MAML3: variants seen among roughly 807,000 people sequenced by gnomAD.
MAML3 encodes mastermind like transcriptional coactivator 3.
A neutral mutation model predicts 101.9 loss-of-function variants in MAML3; 27 were observed. The ratio of observed to expected loss-of-function variants is 0.27; its 90% CI spans 0.20 to 0.37. The LOEUF is 0.37. Ranked by LOEUF, MAML3 falls within the 10% of genes least tolerant of loss-of-function variation. MAML3 has a pLI of 1.00. For missense variants in MAML3, 1,316 were observed against 1,444.9 expected (o/e 0.91, Z 1.45); for synonymous variants, 501 against 555.9 (o/e 0.90, Z 1.39).
At chr4:140,119,055 T>C (rs1046087387) in intron 1 of MAML3, among the ~76,000 whole-genome samples, 1 of 152,160 alleles carries the variant, frequency 6.6e-6, no homozygotes, top group Non-Finnish European at 1.5e-5. Context: ...AATACATACA[T>C]TAACAGGCAA....
intron 1 of MAML3, among the ~76,000 whole-genome samples, chr4:140,111,279 C>T (rs1367647137): frequency 6.6e-6 from 1 of 152,176 alleles, no homozygotes; most frequent in Non-Finnish European, 1.5e-5. Context: ...CCTTGGGCCA[C>T]CTCCTTGTTC....
chr4:139,832,345 C>T (rs1349936899), intron 2 of MAML3, among the ~76,000 whole-genome samples: 1 of 150,022 alleles, frequency 6.7e-6, no homozygotes, highest in Non-Finnish European at 1.5e-5. Flanking sequence ...GTCCTGACCT[C>T]AGGTGATCCA....
intron 2 of MAML3, among the ~76,000 whole-genome samples, chr4:139,803,010 C>T (rs1332704511): frequency 2.6e-5 from 4 of 152,308 alleles, no homozygotes; most frequent in South Asian, 4.1e-4. Flanking sequence ...ATAACTATTT[C>T]TCTTTATAAA....
chr4:140,127,593 T>C (rs918934690), intron 1 of MAML3, among the ~76,000 whole-genome samples: 5 of 152,134 alleles, frequency 3.3e-5, no homozygotes, highest in Admixed American at 1.3e-4. Context: ...AGAAAACATG[T>C]TGGCTTCCCA....
intron 2 of MAML3, among the ~76,000 whole-genome samples, chr4:139,846,067 T>C (rs986615903): frequency 5.9e-5 from 9 of 152,158 alleles, no homozygotes; most frequent in South Asian, 2.1e-4. Flanking sequence ...TGACAAAAAA[T>C]CCAGGAGCTG....
chr4:139,809,615 G>A (rs963551824), intron 2 of MAML3, among the ~76,000 whole-genome samples: 3 of 152,178 alleles, frequency 2.0e-5, no homozygotes, highest in African/African-American at 4.8e-5. Context: ...ACAGTCCATC[G>A]TAAGTACAGG....
intron 2 of MAML3, among the ~76,000 whole-genome samples, chr4:139,807,352 C>T (rs1480437857): frequency 6.6e-6 from 1 of 152,028 alleles, no homozygotes; most frequent in East Asian, 1.9e-4. Context: ...TAGATTAAAG[C>T]AAAAATCTAC....
intron 2 of MAML3, among the ~76,000 whole-genome samples, chr4:139,764,313 A>G (rs1260355956): frequency 5.3e-5 from 8 of 152,104 alleles, no homozygotes; most frequent in Non-Finnish European, 1.0e-4. Flanking sequence ...CTGCTCACCA[A>G]TGCCCGGCTG....
chr4:140,016,029 TG>T (rs1233895125), intron 1 of MAML3, among the ~76,000 whole-genome samples: 2 of 151,998 alleles, frequency 1.3e-5, no homozygotes, highest in East Asian at 3.8e-4. Context: ...ATTGTGTAAA[TG>T]GAAAATCTCA....
chr4:139,840,656 C>T (rs1731345331), intron 2 of MAML3, among the ~76,000 whole-genome samples: 1 of 152,190 alleles, frequency 6.6e-6, no homozygotes, highest in African/African-American at 2.4e-5. Context: ...ATTATCCTTA[C>T]ATCCTTATGA....
intron 1 of MAML3, among the ~76,000 whole-genome samples, chr4:140,068,665 C>T (rs1020772444): frequency 5.3e-5 from 8 of 152,186 alleles, no homozygotes; most frequent in Admixed American, 6.5e-5. Context: ...TCTGTTTTCT[C>T]ATTTTTAAAA....
chr4:140,104,474 A>ATT (rs565204552), intron 1 of MAML3, among the ~76,000 whole-genome samples: 12 of 87,000 alleles, frequency 1.4e-4, no homozygotes, highest in African/African-American at 4.4e-4. Flanking sequence ...TATATATATA[A>ATT]TTTTTTTTTT....
intron 2 of MAML3, among the ~76,000 whole-genome samples, chr4:139,808,821 G>A (rs923473993): frequency 6.6e-6 from 1 of 152,164 alleles, no homozygotes; most frequent in South Asian, 2.1e-4. Flanking sequence ...GGCTCACTGA[G>A]CTTACCCCAG....
intron 1 of MAML3, among the ~76,000 whole-genome samples, chr4:140,125,202 T>A (rs1429216444): frequency 6.6e-6 from 1 of 152,180 alleles, no homozygotes; most frequent in African/African-American, 2.4e-5. Context: ...ATATACTGAA[T>A]AAAAGAACAT....
intron 1 of MAML3, among the ~76,000 whole-genome samples, chr4:140,053,225 G>T (rs1578660524): frequency 6.6e-6 from 1 of 152,006 alleles, no homozygotes; most frequent in South Asian, 2.1e-4. Context: ...TCTCCAAACA[G>T]CCCCTTCCAA....
At chr4:139,814,027 C>CACAA (rs1321046941) in intron 2 of MAML3, among the ~76,000 whole-genome samples, 11 of 143,012 alleles carry the variant, frequency 7.7e-5, no homozygotes, top group East Asian at 4.1e-4. Context: ...CAAACACAAA[C>CACAA]ACACACACAC....
At chr4:139,776,456 G>A (rs2111074361) in intron 2 of MAML3, among the ~76,000 whole-genome samples, 1 of 152,278 alleles carries the variant, frequency 6.6e-6, no homozygotes, top group Admixed American at 6.5e-5. Flanking sequence ...TGATTAGAAA[G>A]CACTCCGAAG....
chr4:139,958,715 C>A (rs901732881), intron 1 of MAML3, among the ~76,000 whole-genome samples: 1 of 152,132 alleles, frequency 6.6e-6, no homozygotes, highest in Non-Finnish European at 1.5e-5. Flanking sequence ...TTTTGTGCTA[C>A]GTCTGTGGTC....
chr4:140,151,203 G>GGGAGGAGGAAGGGGAGGGGGAGGA (rs1729159271), intron 1 of MAML3, among the ~76,000 whole-genome samples: 1 of 152,056 alleles, frequency 6.6e-6, no homozygotes, highest in African/African-American at 2.4e-5. Context: ...GGAGGAGGAA[G>GGGAGGAGGAAGGGGAGGGGGAGGA]GGAGGAGGAA....
Sources: allele counts gnomAD v4.1 joint callset (sites outside exome capture counted in the v4.1 genomes callset), GRCh38; gene constraint gnomAD v4.1.1; transcripts MANE v1.5; gene names NCBI Gene and HGNC (gene_info 2026-07-23, HGNC 2026-07-21).